SRCIN1: variants seen among roughly 807,000 people sequenced by gnomAD.
The protein encoded by SRCIN1 is P130Cas-associated protein.
In SRCIN1, 50 loss-of-function variants were observed where a neutral mutation model predicts 116.2. That is an observed-to-expected ratio of 0.43 (90% CI 0.34 to 0.54). SRCIN1 has a LOEUF of 0.54. SRCIN1 is among the 20% of genes least tolerant of loss of function. The pLI is 0.02. For missense variants in SRCIN1, 1,446 were observed against 1,672.0 expected, an observed-to-expected ratio of 0.86 and a Z score of 2.36; for synonymous variants, 736 against 750.0, an observed-to-expected ratio of 0.98 and a Z score of 0.30.
At chr17:38,590,812 A>C (rs1160932253) in intron 1 of SRCIN1, among the ~76,000 whole-genome samples, 1 of 152,194 alleles carries the variant, frequency 6.6e-6, no homozygotes, top group Non-Finnish European at 1.5e-5. Flanking sequence ...TGATTCTGCC[A>C]CCAGGTCATC....
At position 38,561,744 on chromosome 17, in the gene SRCIN1, C is replaced by A. The variant is rs138636517; in HGVS notation, c.1419G>T (p.Ser473=). 6.6e-7 allele frequency: 1 copy of A among 1,516,172 alleles called. No homozygotes were observed. Among genetic ancestry groups the A allele is most frequent in the Non-Finnish European group, 8.8e-7 (1 of 1,137,948 alleles). 93.9% of individuals were successfully genotyped at this position (1,516,172 alleles called of 1,614,324 possible). ...GDGYGFRLPP[S]SPQKLADVAA... ...CCACGTCGGCCAGCTTCTGCGGTGA[C>A]GAAGGCGGCAGGCGGAAGCCGTAGC... is the stretch of plus-strand genomic sequence containing the variant. The change falls in exon 7 of 19, where the codon TCG becomes TCT. Residue 473 remains serine (S), a synonymous_variant. Transcript: ENST00000617146.
In SRCIN1 at chr17:38,530,282, TCA is replaced by T. The variant is rs2040901600; in HGVS notation, c.*3013_*3014del. 2.6e-5 allele frequency: 4 copies of T among 152,024 alleles called. No homozygotes were observed. The highest frequency in any genetic ancestry group is 4.4e-5 in the Non-Finnish European group (3 of 68,006). The allele number at this position is 152,024 out of a possible 1,614,324, so 9.4% of individuals were successfully genotyped here. A position where few individuals can be genotyped will look rare whatever the true frequency, so the allele number is the denominator to read the frequency against. ...ATGGGGCAGGGTGTGGAGCCGGGGC[TCA>T]CCCCGGGGGGCCCCCTGGGGACCCC... On this transcript the variant is annotated 3_prime_UTR_variant, in exon 19 of 19. Transcript: ENST00000617146.
rs954854806 is a variant in SRCIN1 at position 38,585,219 on chromosome 17, G to C, written c.23-6428C>G. On this transcript the variant is annotated intron_variant, in intron 1 of 18. Transcript: ENST00000617146. This position sits in a 1 kb window ranked among gnomAD's most constrained non-coding sequence, Gnocchi z 4.2. ...GGCAGGGCAGCAGGAGAGGAGCATG[G>C]AGACAGCTGGAAGGGTGGAGGACCT... is the stretch of plus-strand genomic sequence containing the variant. Among the ~76,000 whole-genome samples the C allele has an allele frequency of 1.8e-4, 28 of 152,178 alleles. No individual in the cohort carries two copies. Among genetic ancestry groups the C allele is most frequent in the African/African-American group, 5.8e-4 (24 of 41,436 alleles).
At chr17:38,578,871 G>A in intron 1 of SRCIN1, 80 bp from the exon 2 acceptor site, 7 of 1,410,568 alleles carry the variant, frequency 5.0e-6, no homozygotes, top group Non-Finnish European at 6.5e-6. Flanking sequence ...GGTCCCTGCG[G>A]GAAGGGGCGG....
chr17:38,552,033 G>A lies in SRCIN1; in HGVS notation c.2580C>T (p.Phe860=), dbSNP rs745548913. The A allele has an allele frequency of 9.9e-6, 16 of 1,613,688 alleles. No individual in the cohort carries two copies. Among genetic ancestry groups the A allele is most frequent in the South Asian group, 4.4e-5 (4 of 91,082 alleles). The stretch of plus-strand genomic sequence containing the variant: ...GCGGGGGGCTGGGGGGTGGCATTTC[G>A]AAGTCCACGCTCTTGTTGAAGTCAG... ...AETDFNKSVD[F]EMPPPSPPLN... is the part of the protein sequence containing the mutation. The change falls in exon 14 of 19, where the codon TTC becomes TTT. Residue 860 remains phenylalanine (F), a synonymous_variant. Transcript: ENST00000617146. The surrounding 1 kb of genome is among the most constrained non-coding windows in gnomAD (Gnocchi z 5.3).
intron 1 of SRCIN1, among the ~76,000 whole-genome samples, chr17:38,587,178 T>C (rs1204672900): frequency 2.0e-5 from 3 of 151,842 alleles, no homozygotes; most frequent in African/African-American, 7.3e-5. Context: ...AAGGGCAGAA[T>C]TGGGTGGGGT....
chr17:38,538,416 C>CAAA (rs536827040), intron 18 of SRCIN1, among the ~76,000 whole-genome samples: 49 of 99,948 alleles, frequency 4.9e-4, no homozygotes, highest in African/African-American at 1.3e-3. Context: ...GACTCCGTCT[C>CAAA]AAAAAAAAAA....
At position 38,561,566 on chromosome 17, in the gene SRCIN1, C is replaced by A; in HGVS notation, c.1597G>T (p.Ala533Ser). The A allele has an allele frequency of 6.2e-7, 1 of 1,600,782 alleles. No individual in the cohort carries two copies. The change falls in exon 7 of 19, where the codon GCC becomes TCC. Residue 533 changes from alanine (A) to serine (S), a missense_variant. Ala to Ser is a moderately conservative substitution (Grantham distance 99). Transcript: ENST00000617146. ...GAAGGGGGAGCTCCGGCCGTCGAGG[C>A]GCTCCCCGCGCTGCGGGTCTTCCCT... ...PGGKTRSAGS[A>S]STAGAPPSEL...
At chr17:38,561,046 T>C (rs6503708) in intron 7 of SRCIN1, among the ~76,000 whole-genome samples, 42,459 of 152,132 alleles carry the variant, frequency 0.28, 9,861 homozygotes, top group African/African-American at 0.64. Context: ...GTCACCATTT[T>C]TCAACAGCAC....
At chr17:38,591,361 C>G (rs553886299) in intron 1 of SRCIN1, among the ~76,000 whole-genome samples, 3 of 152,148 alleles carry the variant, frequency 2.0e-5, no homozygotes, top group African/African-American at 7.2e-5. Flanking sequence ...TGAACCGGAA[C>G]CTTCTGTCAT....
chr17:38,547,579 G>A (rs1188339436), intron 17 of SRCIN1, among the ~76,000 whole-genome samples: 4 of 152,148 alleles, frequency 2.6e-5, no homozygotes, highest in Non-Finnish European at 4.4e-5. Context: ...AGGGTTATGC[G>A]CCTGTCCTTG....
chr17:38,566,906 C>T lies in SRCIN1; in HGVS notation c.345+1305G>A, dbSNP rs868632921. Reference sequence around the variant, plus strand: ...CCTTCCTTCCTTCCTTCCTTCTTTCCTTCCTTCCTTCCTTCTTTCTTTCCT... The same window carrying T: ...CCTTCCTTCCTTCCTTCCTTCTTTCTTTCCTTCCTTCCTTCTTTCTTTCCT... On this transcript the variant is annotated intron_variant, in intron 3 of 18. Transcript: ENST00000617146. Among the ~76,000 whole-genome samples the T allele has an allele frequency of 2.9e-3, 397 of 134,614 alleles. 3 individuals are homozygous for T. Among genetic ancestry groups the T allele is most frequent in the African/African-American group, 0.011 (378 of 34,034 alleles). The allele number at this position is 134,614 out of a possible 152,430, so 88.3% of individuals were successfully genotyped here.
chr17:38,550,218 G>A (rs1298557912), intron 15 of SRCIN1, among the ~76,000 whole-genome samples: 1 of 152,222 alleles, frequency 6.6e-6, no homozygotes, highest in Non-Finnish European at 1.5e-5. Context: ...GATGAGGCCA[G>A]GCGTGGTGGC....
Position 38,558,867 on chromosome 17 carries a change from CGGAA to C in SRCIN1, c.2026-469_2026-466del, listed in dbSNP as rs1905994190. Among the ~76,000 whole-genome samples, 1 of 152,146 alleles carries C rather than the reference CGGAA, an allele frequency of 6.6e-6. No homozygotes were observed. The highest frequency in any genetic ancestry group is 2.1e-4 in the South Asian group (1 of 4,828). Reference sequence around the variant, plus strand: ...CGCATGGCTATGGCTTCCATCATCCCGGAATGGGGACGGGACTGGAATGAAGGAC... The same window carrying C: ...CGCATGGCTATGGCTTCCATCATCCCTGGGGACGGGACTGGAATGAAGGAC... On this transcript the variant is annotated intron_variant, in intron 10 of 18. Transcript: ENST00000617146. This position sits in a 1 kb window ranked among gnomAD's most constrained non-coding sequence, Gnocchi z 4.6.
intron 11 of SRCIN1, among the ~76,000 whole-genome samples, chr17:38,555,163 G>A (rs549341532): frequency 6.6e-6 from 1 of 152,294 alleles, no homozygotes. Context: ...ATTATCTCCA[G>A]CTTATACACA....
chr17:38,588,432 C>T (rs1377141241), intron 1 of SRCIN1, among the ~76,000 whole-genome samples: 1 of 152,244 alleles, frequency 6.6e-6, no homozygotes, highest in Non-Finnish European at 1.5e-5. Flanking sequence ...TGCTCACGCG[C>T]CCAGGGAAGG....
At chr17:38,564,357 C>CG (rs1906524319) in intron 3 of SRCIN1, 44 bp from the exon 4 acceptor site, 2 of 1,447,590 alleles carry the variant, frequency 1.4e-6, no homozygotes, top group Non-Finnish European at 1.8e-6. Flanking sequence ...GATGAGCACC[C>CG]CCCCTCCCCT....
intron 1 of SRCIN1, among the ~76,000 whole-genome samples, chr17:38,580,948 A>C (rs1907756975): frequency 6.6e-6 from 1 of 151,972 alleles, no homozygotes; most frequent in African/African-American, 2.4e-5. Context: ...AGTTCCTCCC[A>C]CTTCAGCCTC....
At chr17:38,534,898 C>T (rs2040978128) in intron 18 of SRCIN1, among the ~76,000 whole-genome samples, 1 of 152,106 alleles carries the variant, frequency 6.6e-6, no homozygotes, top group Non-Finnish European at 1.5e-5. Context: ...GAGGCTGAGG[C>T]AGGATTGCTT....
Sources: allele counts gnomAD v4.1 joint callset (sites outside exome capture counted in the v4.1 genomes callset), GRCh38; gene constraint gnomAD v4.1.1; non-coding constraint Gnocchi (gnomAD v3.1); transcripts MANE v1.5; gene names NCBI Gene and HGNC (gene_info 2026-07-23, HGNC 2026-07-21).